PCDHGA4: variants seen among roughly 807,000 people sequenced by gnomAD.
PCDHGA4 encodes protocadherin gamma subfamily A, 4.
A neutral mutation model predicts 54.6 loss-of-function variants in PCDHGA4; 38 were observed. The ratio of observed to expected loss-of-function variants is 0.70; its 90% CI spans 0.54 to 0.91. PCDHGA4 has a LOEUF of 0.91. PCDHGA4 is among the 40% of genes least tolerant of loss of function. PCDHGA4 has a pLI of 0.00. For synonymous variants in PCDHGA4, 511 were observed against 512.9 expected, an observed-to-expected ratio of 1.00 and a Z score of 0.05; for missense variants, 1,298 against 1,220.9, an observed-to-expected ratio of 1.06 and a Z score of -0.94.
At chr5:141,464,096 C>T (rs2099075769) in intron 1 of PCDHGA4, among the ~76,000 whole-genome samples, 1 of 152,016 alleles carries the variant, frequency 6.6e-6, no homozygotes, top group African/African-American at 2.4e-5. Context: ...GAAACTCCGT[C>T]TCTACTAAAA....
rs1431906047 is a variant in PCDHGA4, at chr5:141,485,858, C to T, written c.2515-8949C>T. On this transcript the variant is annotated intron_variant, in intron 1 of 3. Transcript: ENST00000571252. This position sits in a 1 kb window ranked among gnomAD's most constrained non-coding sequence, Gnocchi z 5.7. ...GCCGAGATCTGGCACCGCAGAGCTC[C>T]GGGTATCCGTGCTGGACGTAAACGA... The T allele has an allele frequency of 1.9e-6, 3 of 1,614,162 alleles. No individual in the cohort carries two copies. The highest frequency in any genetic ancestry group is 2.5e-6 in the Non-Finnish European group (3 of 1,180,028).
rs773944794 is a variant in PCDHGA4 at position 141,477,003 on chromosome 5, C to T, written c.2515-17804C>T. 1.2e-6 allele frequency: 2 copies of T among 1,614,214 alleles called. No homozygotes were observed. The highest frequency in any genetic ancestry group is 8.5e-7 in the Non-Finnish European group (1 of 1,180,040). On this transcript the variant is annotated intron_variant, in intron 1 of 3. Transcript: ENST00000571252. This position sits in a 1 kb window ranked among gnomAD's most constrained non-coding sequence, Gnocchi z 4.9. ...CGCGCCGGCGTGCGGCAACTATTCG[C>T]CTTAGACCTTGTAACCGGGATGCTG...
intron 2 of PCDHGA4, among the ~76,000 whole-genome samples, chr5:141,497,735 C>T (rs1299892535): frequency 2.6e-5 from 4 of 152,144 alleles, no homozygotes; most frequent in Non-Finnish European, 4.4e-5. Flanking sequence ...AGATGGGTTT[C>T]GCCACGTTGG....
chr5:141,409,948 A>G, intron 1 of PCDHGA4: 1 of 1,613,348 alleles, frequency 6.2e-7, no homozygotes, highest in South Asian at 1.1e-5. Context: ...CTCGCTCTGC[A>G]GAGCCCGGCT....
chr5:141,467,203 C>T (rs896621746), intron 1 of PCDHGA4, among the ~76,000 whole-genome samples: 1 of 152,052 alleles, frequency 6.6e-6, no homozygotes, highest in African/African-American at 2.4e-5. Flanking sequence ...CAGGCACATG[C>T]CACCATGCCT....
rs563145930 is a variant in PCDHGA4 at position 141,392,984 on chromosome 5, GA to G, written c.2514+35365del. 408 of 1,613,914 alleles carry G rather than the reference GA, an allele frequency of 2.5e-4. 2 individuals carry two copies. In the African/African-American group the frequency reaches 4.6e-3, roughly 18 times the overall value. On this transcript the variant is annotated intron_variant, in intron 1 of 3. Transcript: ENST00000571252. The stretch of plus-strand genomic sequence containing the variant: ...CCAAGGACCTGGGGCTGGACCCCCG[GA>G]AGCTGGCGAAGCACGGAGTCCGTAT...
At chr5:141,413,841 T>C (rs1481867404) in intron 1 of PCDHGA4, 1 of 1,613,060 alleles carries the variant, frequency 6.2e-7, no homozygotes, top group Admixed American at 1.7e-5. Context: ...CCGACGGGGG[T>C]GACCCTCTCC....
chr5:141,421,680 G>A (rs2096591907), intron 1 of PCDHGA4: 5 of 1,613,758 alleles, frequency 3.1e-6, no homozygotes, highest in Non-Finnish European at 4.2e-6. Context: ...TTCCTGGGGC[G>A]CGATTTGCTC....
At position 141,487,571 on chromosome 5, in the gene PCDHGA4, G is replaced by A; in HGVS notation, c.2515-7236G>A. The A allele has an allele frequency of 4.3e-6, 7 of 1,614,178 alleles. No individual in the cohort carries two copies. The highest frequency in any genetic ancestry group is 5.9e-6 in the Non-Finnish European group (7 of 1,180,038). On this transcript the variant is annotated intron_variant, in intron 1 of 3. Coordinates refer to ENST00000571252, the MANE Select transcript of PCDHGA4 (RefSeq NM_018917.4). This position sits in a 1 kb window ranked among gnomAD's most constrained non-coding sequence, Gnocchi z 5.0. ...CAGTGCACCTATGGCAGGGGAGCCTGTTCGCCCAAGCTGCCCACCCTCTGA... is the reference window on the plus strand; with the variant it reads ...CAGTGCACCTATGGCAGGGGAGCCTATTCGCCCAAGCTGCCCACCCTCTGA...
At chr5:141,444,672 A>G (rs990955921) in intron 1 of PCDHGA4, among the ~76,000 whole-genome samples, 2 of 152,086 alleles carry the variant, frequency 1.3e-5, no homozygotes, top group Non-Finnish European at 2.9e-5. Flanking sequence ...ATTTTTTTCA[A>G]TACCATTTAT....
At chr5:141,406,531 C>T (rs1303471087) in intron 1 of PCDHGA4, among the ~76,000 whole-genome samples, 1 of 152,102 alleles carries the variant, frequency 6.6e-6, no homozygotes, top group African/African-American at 2.4e-5. Flanking sequence ...TATTTTCTGA[C>T]GAAGATTCAA....
intron 2 of PCDHGA4, among the ~76,000 whole-genome samples, chr5:141,500,184 T>TTTTTTTTA (rs1554186429): frequency 7.8e-4 from 106 of 135,966 alleles, no homozygotes; most frequent in African/African-American, 2.4e-3. Context: ...TCATTTTTAT[T>TTTTTTTTA]TTTATTTATT....
intron 1 of PCDHGA4, among the ~76,000 whole-genome samples, chr5:141,402,570 C>G (rs947118867): frequency 1.3e-5 from 2 of 152,138 alleles, no homozygotes; most frequent in Admixed American, 1.3e-4. Flanking sequence ...TTATTTACAA[C>G]TCAGATATCT....
chr5:141,511,823 G>A lies in PCDHGA4; in HGVS notation c.*650G>A, dbSNP rs1490513046. On this transcript the variant is annotated 3_prime_UTR_variant, in exon 4 of 4. Transcript: ENST00000571252. ...TTTTGCTACCAAGCCTCTTCCCAACGCCCTGGGGACCAGTCTTCTGTTTTG... is the reference window on the plus strand; with the variant it reads ...TTTTGCTACCAAGCCTCTTCCCAACACCCTGGGGACCAGTCTTCTGTTTTG... 4 of 156,728 alleles carry A rather than the reference G, an allele frequency of 2.6e-5. No homozygotes were observed. The highest frequency in any genetic ancestry group is 3.2e-3 in the Middle Eastern group (1 of 316). 9.7% of individuals were successfully genotyped at this position (156,728 alleles called of 1,614,324 possible). A position where few individuals can be genotyped will look rare whatever the true frequency, so the allele number is the denominator to read the frequency against.
intron 1 of PCDHGA4, chr5:141,392,823 C>A: frequency 6.3e-7 from 1 of 1,599,890 alleles, no homozygotes; most frequent in Non-Finnish European, 8.5e-7. Flanking sequence ...AATGGCCGCT[C>A]CACAGAGTCG....
rs61612330 is a variant in PCDHGA4, at chr5:141,454,796, A to ATTTTTTT, written c.2515-39988_2515-39982dup. On this transcript the variant is annotated intron_variant, in intron 1 of 3. Transcript: ENST00000571252. Reference sequence around the variant, plus strand: ...AAGGAAATAATCCTCCATGGTTCTAATTTTTTTTTTTTTTTTTTTTTTTTT... The same window carrying ATTTTTTT: ...AAGGAAATAATCCTCCATGGTTCTAATTTTTTTTTTTTTTTTTTTTTTTTTTTTTTTT... Among the ~76,000 whole-genome samples the ATTTTTTT allele has an allele frequency of 2.6e-3, 198 of 77,448 alleles. 27 individuals are homozygous for ATTTTTTT. The highest frequency in any genetic ancestry group is 8.4e-3 in the African/African-American group (141 of 16,874). The allele number at this position is 77,448 out of a possible 152,430, so 50.8% of individuals were successfully genotyped here. A position where few individuals can be genotyped will look rare whatever the true frequency, so the allele number is the denominator to read the frequency against.
chr5:141,376,165 G>T (rs181247360), intron 1 of PCDHGA4: 1 of 1,614,018 alleles, frequency 6.2e-7, no homozygotes, highest in African/African-American at 1.3e-5. Context: ...TGTACCTGGT[G>T]GTGGCGGTGG....
Position 141,359,430 on chromosome 5 carries a change from C to A in PCDHGA4, c.2514+1809C>A, listed in dbSNP as rs374091211. On this transcript the variant is annotated intron_variant, in intron 1 of 3. Coordinates refer to ENST00000571252, the MANE Select transcript of PCDHGA4 (RefSeq NM_018917.4). Reference sequence around the variant, plus strand: ...AAAAATGTGTTTTTGTTAGAATGGGCAGTGGGTTTCTTTTAGCAAATAACA... The same window carrying A: ...AAAAATGTGTTTTTGTTAGAATGGGAAGTGGGTTTCTTTTAGCAAATAACA... 2.0e-5 allele frequency among the ~76,000 whole-genome samples: 3 copies of A among 151,344 alleles called. No individual in the cohort carries two copies. The East Asian group carries it at 5.8e-4, about 29-fold the overall frequency.
chr5:141,485,116 G>T lies in PCDHGA4; in HGVS notation c.2515-9691G>T, dbSNP rs904145668. ...TGTCTCCAGCTGCTGTGGCTGTTTGGGGCGGGTCGGCTTCATCCGCGTCTC... is the reference window on the plus strand; with the variant it reads ...TGTCTCCAGCTGCTGTGGCTGTTTGTGGCGGGTCGGCTTCATCCGCGTCTC... On this transcript the variant is annotated intron_variant, in intron 1 of 3. Coordinates refer to ENST00000571252, the MANE Select transcript of PCDHGA4 (RefSeq NM_018917.4). This position sits in a 1 kb window ranked among gnomAD's most constrained non-coding sequence, Gnocchi z 5.7. 3.0e-6 allele frequency: 4 copies of T among 1,312,058 alleles called. No homozygotes were observed. The African/African-American group carries it at 5.8e-5, about 19-fold the overall frequency. 81.3% of individuals were successfully genotyped at this position (1,312,058 alleles called of 1,614,324 possible).
Sources: gnomAD v4.1 joint callset for allele counts (sites outside exome capture counted in the v4.1 genomes callset) on GRCh38, gnomAD v4.1.1 for gene constraint, Gnocchi (gnomAD v3.1) non-coding constraint, MANE v1.5 for transcripts, NCBI Gene and HGNC (gene_info 2026-07-23, HGNC 2026-07-21) for gene names.